The following SRPRB variants were observed in gnomAD, a reference collection of about 807,000 sequenced individuals.
The protein encoded by SRPRB is SRP receptor subunit beta.
In SRPRB, 20 loss-of-function variants were observed where a neutral mutation model predicts 31.9. The ratio of observed to expected loss-of-function variants is 0.63; its 90% CI spans 0.44 to 0.91. The LOEUF (loss-of-function observed/expected upper bound fraction) is 0.91, where lower values mean the gene tolerates loss of function less well. Ranked by LOEUF, SRPRB falls within the 40% of genes least tolerant of loss-of-function variation. SRPRB has a pLI of 0.00. For synonymous variants in SRPRB, 146 were observed against 132.8 expected, an observed-to-expected ratio of 1.10 and a Z score of -0.68; for missense variants, 321 against 324.9, an observed-to-expected ratio of 0.99 and a Z score of 0.09.
intron 1 of SRPRB, chr3:133,793,267 G>A (rs1370901556): frequency 6.6e-6 from 1 of 152,072 alleles, no homozygotes; most frequent in Non-Finnish European, 1.5e-5. Context: ...ACATTTTTGA[G>A]TCATCATTTT....
intron 4 of SRPRB, among the ~76,000 whole-genome samples, chr3:133,813,265 C>T (rs776849519): frequency 6.6e-6 from 1 of 152,218 alleles, no homozygotes; most frequent in Non-Finnish European, 1.5e-5. Context: ...CAAAGATTCT[C>T]CTCAGTTTTG....
intron 2 of SRPRB, among the ~76,000 whole-genome samples, chr3:133,807,116 CT>C (rs1191324547): frequency 1.3e-5 from 2 of 151,926 alleles, no homozygotes; most frequent in Non-Finnish European, 2.9e-5. Flanking sequence ...CTTCTTTTTA[CT>C]AATATTTATT....
At chr3:133,799,155 G>C (rs6794676) in intron 1 of SRPRB, among the ~76,000 whole-genome samples, 17,776 of 152,196 alleles carry the variant, frequency 0.12, 1,458 homozygotes, top group Admixed American at 0.17. Context: ...TTCTCTAGAG[G>C]GATGTTTCGC....
intron 3 of SRPRB, among the ~76,000 whole-genome samples, chr3:133,808,416 TACC>T (rs1935200833): frequency 6.6e-6 from 1 of 152,206 alleles, no homozygotes; most frequent in African/African-American, 2.4e-5. Context: ...GTATACATAG[TACC>T]ATCTGGTTGG....
chr3:133,821,737 C>G (rs72976315), downstream of SRPRB, among the ~76,000 whole-genome samples: 489 of 152,304 alleles, frequency 3.2e-3, 2 homozygotes, highest in African/African-American at 0.011. Context: ...CAATTTGATT[C>G]AATAGCAAGT....
In SRPRB at chr3:133,819,442, T is replaced by C. The variant is rs892922922; in HGVS notation, c.603-111T>C. 3 of 907,794 alleles carry C rather than the reference T, an allele frequency of 3.3e-6. No individual in the cohort carries two copies. In the African/African-American group the frequency reaches 5.0e-5, roughly 15 times the overall value. 56.2% of individuals were successfully genotyped at this position (907,794 alleles called of 1,614,324 possible). A position where few individuals can be genotyped will look rare whatever the true frequency, so the allele number is the denominator to read the frequency against. ...TATTCAACAATCTTAATAGCATAAT[T>C]GGCAATTCTATAGTTAAGTTTTAAA... is the stretch of plus-strand genomic sequence containing the variant. On this transcript the variant is annotated intron_variant, in intron 6 of 6. Transcript: ENST00000678299.
chr3:133,827,959 C>A (rs1399042151), downstream of SRPRB: 2 of 702,874 alleles, frequency 2.8e-6, no homozygotes, highest in Non-Finnish European at 5.2e-6. Flanking sequence ...AAACCACGCA[C>A]CACGCAGCTG....
chr3:133,816,962 T>G, intron 6 of SRPRB, 30 bp downstream of exon 6: 1 of 1,582,538 alleles, frequency 6.3e-7, no homozygotes, highest in Non-Finnish European at 8.6e-7. Context: ...GTTGGTTAAT[T>G]ATATATCTTA....
upstream of SRPRB, among the ~76,000 whole-genome samples, chr3:133,805,197 A>G (rs1935127898): frequency 6.6e-6 from 1 of 152,294 alleles, no homozygotes; most frequent in African/African-American, 2.4e-5. Flanking sequence ...TAATGCAGAC[A>G]TTTGAGTTTG....
At chr3:133,813,543 ACTTAC>A (rs1162493517) in intron 4 of SRPRB, among the ~76,000 whole-genome samples, 2 of 152,220 alleles carry the variant, frequency 1.3e-5, no homozygotes, top group Admixed American at 6.5e-5. Context: ...TGTCTAAAAT[ACTTAC>A]CTTTTCAAAC....
intron 5 of SRPRB, 96 bp downstream of exon 5, chr3:133,815,822 T>A (rs914349681): frequency 4.6e-5 from 64 of 1,398,744 alleles, no homozygotes; most frequent in Non-Finnish European, 5.8e-5. Context: ...TTATTGAGGA[T>A]GAGATACAAT....
At chr3:133,791,052 A>T (rs1399794527) in intron 1 of SRPRB, 1 of 151,054 alleles carries the variant, frequency 6.6e-6, no homozygotes, top group Non-Finnish European at 1.5e-5. Context: ...AATCATATAT[A>T]TTTTTTTTAA....
downstream of SRPRB, among the ~76,000 whole-genome samples, chr3:133,824,067 G>A (rs1310558269): frequency 1.3e-5 from 2 of 152,132 alleles, no homozygotes; most frequent in Non-Finnish European, 2.9e-5. Context: ...CGGAGTTGGT[G>A]GACAGCCCAA....
rs1050664302 is a variant in SRPRB at position 133,811,347 on chromosome 3, T to G, written c.410+148T>G. ...GACCTTGGGGTCAGCCAGTTCTGGGTTGCAAGTCCACCTTCACCTGGATGA... is the reference window on the plus strand; with the variant it reads ...GACCTTGGGGTCAGCCAGTTCTGGGGTGCAAGTCCACCTTCACCTGGATGA... On this transcript the variant is annotated intron_variant, in intron 4 of 6. Coordinates refer to ENST00000678299, the MANE Select transcript of SRPRB (RefSeq NM_001379313.1). 12 of 618,576 alleles carry G rather than the reference T, an allele frequency of 1.9e-5. No homozygotes were observed. The African/African-American group carries it at 2.0e-4, about 10-fold the overall frequency. The allele number at this position is 618,576 out of a possible 1,614,324, so 38.3% of individuals were successfully genotyped here. A position where few individuals can be genotyped will look rare whatever the true frequency, so the allele number is the denominator to read the frequency against.
Position 133,805,864 on chromosome 3 carries a change from T to A in SRPRB, c.16T>A (p.Ser6Thr), listed in dbSNP as rs1454512289. MASAD[S>T]RRVADGGGAG... is the part of the protein sequence containing the mutation. ...CGTCTCATCCATGGCTTCCGCGGACTCGCGCCGGGTGGCAGATGGCGGCGG... is the reference window on the plus strand; with the variant it reads ...CGTCTCATCCATGGCTTCCGCGGACACGCGCCGGGTGGCAGATGGCGGCGG... Residue 6 changes from serine (S) to threonine (T), a missense_variant, in exon 1 of 7, where the codon TCG becomes ACG. Coordinates refer to ENST00000678299, the MANE Select transcript of SRPRB (RefSeq NM_001379313.1). The A allele has an allele frequency of 1.2e-6, 2 of 1,611,552 alleles. No homozygotes were observed. Among genetic ancestry groups the A allele is most frequent in the African/African-American group, 2.7e-5 (2 of 74,912 alleles).
At chr3:133,785,747 A>AATGGCGGCCC in intron 1 of SRPRB, 1 of 65,008 alleles carries the variant, frequency 1.5e-5, no homozygotes, top group Non-Finnish European at 3.4e-5. Flanking sequence ...CCAGGATGAC[A>AATGGCGGCCC]ATGGCGGCCT....
At chr3:133,819,065 A>G (rs1203127924) in intron 6 of SRPRB, among the ~76,000 whole-genome samples, 2 of 152,124 alleles carry the variant, frequency 1.3e-5, no homozygotes, top group African/African-American at 4.8e-5. Context: ...TGGTGGTTAA[A>G]GAGGTTGGAT....
intron 4 of SRPRB, among the ~76,000 whole-genome samples, chr3:133,814,773 G>T (rs1279898340): frequency 1.3e-5 from 2 of 152,212 alleles, no homozygotes; most frequent in Non-Finnish European, 2.9e-5. Flanking sequence ...TCCCTGGGCT[G>T]CTGCACTTTA....
chr3:133,803,170 TG>T (rs1320860327), upstream of SRPRB, among the ~76,000 whole-genome samples: 1 of 152,206 alleles, frequency 6.6e-6, no homozygotes, highest in Non-Finnish European at 1.5e-5. Context: ...CTGGTCTCTC[TG>T]TCTGAAGTTT....
Sources: gnomAD v4.1 joint callset for allele counts (sites outside exome capture counted in the v4.1 genomes callset) on GRCh38, gnomAD v4.1.1 for gene constraint, MANE v1.5 for transcripts, NCBI Gene and HGNC (gene_info 2026-07-23, HGNC 2026-07-21) for gene names.